Variants in TGFBR2 observed in about 807,000 individuals in gnomAD.
TGFBR2 encodes the protein transforming growth factor beta receptor 2, also known as TGF-beta receptor type-2.
TGFBR2 carries 18 observed loss-of-function variants against 49.0 expected under a neutral mutation model. That is an observed-to-expected ratio of 0.37 (90% CI 0.25 to 0.54). The LOEUF is 0.54. Among genes scored for constraint, TGFBR2 ranks in the 20% least tolerant of loss-of-function variants. TGFBR2 has a pLI of 0.85. For missense variants in TGFBR2, 525 were observed against 722.6 expected (o/e 0.73, Z 3.13); for synonymous variants, 282 against 275.9 (o/e 1.02, Z -0.22).
chr3:30,643,348 G>C (rs17838697), intron 1 of TGFBR2, among the ~76,000 whole-genome samples: 4,639 of 152,270 alleles, frequency 0.03, 95 homozygotes, highest in Non-Finnish European at 0.045. Context: ...CATGTTTGCT[G>C]GTTGAGTGCC....
intron 1 of TGFBR2, among the ~76,000 whole-genome samples, chr3:30,635,711 T>C (rs1452116914): frequency 6.6e-6 from 1 of 152,224 alleles, no homozygotes; most frequent in Non-Finnish European, 1.5e-5. Flanking sequence ...ACACAAGTAA[T>C]CATTCCTTAA....
intron 6 of TGFBR2, among the ~76,000 whole-genome samples, chr3:30,690,060 A>G (rs745797761): frequency 3.3e-5 from 5 of 152,172 alleles, no homozygotes; most frequent in African/African-American, 4.8e-5. Context: ...AGGGAGAGAT[A>G]GGCTCCTAGG....
chr3:30,650,521 G>A (rs2125410991), intron 3 of TGFBR2, 61 bp downstream of exon 3: 10 of 1,553,728 alleles, frequency 6.4e-6, no homozygotes, highest in Non-Finnish European at 8.9e-6. Context: ...TTGTATCCTT[G>A]GTCTGCAGTG....
intron 1 of TGFBR2, among the ~76,000 whole-genome samples, chr3:30,608,411 G>A (rs554768551): frequency 2.0e-5 from 3 of 152,168 alleles, no homozygotes; most frequent in South Asian, 2.1e-4. Context: ...AACATCTTAC[G>A]TATCGTGCCC....
chr3:30,618,586 A>T (rs770978501), intron 1 of TGFBR2, among the ~76,000 whole-genome samples: 1 of 152,130 alleles, frequency 6.6e-6, no homozygotes, highest in Non-Finnish European at 1.5e-5. Flanking sequence ...TGTTTACCTC[A>T]TTAGGCATTT....
At chr3:30,687,793 A>C (rs545844422) in intron 5 of TGFBR2, among the ~76,000 whole-genome samples, 1 of 152,274 alleles carries the variant, frequency 6.6e-6, no homozygotes, top group South Asian at 2.1e-4. Flanking sequence ...GTCTCTGAAT[A>C]TACCTGTACA....
At position 30,623,271 on chromosome 3, in the gene TGFBR2, A is replaced by G. The variant is rs1248743895; in HGVS notation, c.94+16294A>G. 5 of 1,613,892 alleles carry G rather than the reference A, an allele frequency of 3.1e-6. No individual in the cohort carries two copies. The African/African-American group carries it at 4.0e-5, about 13-fold the overall frequency. ...AATAGGACTGCCCATCCACTGAGACATAGTAAAGTATCATTAATTAATCTT... is the reference window on the plus strand; with the variant it reads ...AATAGGACTGCCCATCCACTGAGACGTAGTAAAGTATCATTAATTAATCTT... On this transcript the variant is annotated intron_variant, in intron 1 of 6. Coordinates refer to ENST00000295754, the MANE Select transcript of TGFBR2 (RefSeq NM_003242.6).
intron 3 of TGFBR2, chr3:30,661,550 A>G: frequency 2.0e-6 from 1 of 511,852 alleles, no homozygotes; most frequent in Non-Finnish European, 3.9e-6. Context: ...AAAATCAGAC[A>G]TATAGGTTCA....
intron 3 of TGFBR2, among the ~76,000 whole-genome samples, chr3:30,667,255 G>A (rs1184948501): frequency 3.3e-5 from 5 of 152,138 alleles, no homozygotes; most frequent in Admixed American, 3.3e-4. Flanking sequence ...TGTAACTGGC[G>A]GCTGATGAAA....
intron 6 of TGFBR2, among the ~76,000 whole-genome samples, chr3:30,691,124 C>A (rs969229040): frequency 7.9e-5 from 12 of 152,156 alleles, no homozygotes; most frequent in South Asian, 2.1e-4. Flanking sequence ...GTTAGTGTAC[C>A]CCAGAAGCCC....
chr3:30,649,453 T>A (rs984251265), intron 2 of TGFBR2, among the ~76,000 whole-genome samples: 1 of 152,222 alleles, frequency 6.6e-6, no homozygotes, highest in Non-Finnish European at 1.5e-5. Context: ...GAAAATGCTA[T>A]GTGAGAAATT....
intron 1 of TGFBR2, among the ~76,000 whole-genome samples, chr3:30,631,726 T>C (rs547493406): frequency 6.6e-6 from 1 of 151,548 alleles, no homozygotes; most frequent in Non-Finnish European, 1.5e-5. Context: ...TCTGAATGTG[T>C]CTTTCTGTCC....
intron 1 of TGFBR2, 71 bp downstream of exon 1, chr3:30,607,048 C>A: frequency 7.3e-7 from 1 of 1,368,408 alleles, no homozygotes; most frequent in Non-Finnish European, 1.0e-6. Context: ...CTCCGCTGCG[C>A]TTGACAGTCG....
At chr3:30,621,415 G>A (rs1698230202) in intron 1 of TGFBR2, among the ~76,000 whole-genome samples, 1 of 151,126 alleles carries the variant, frequency 6.6e-6, no homozygotes, top group Admixed American at 6.6e-5. Context: ...CGAGTAGCTG[G>A]GATTGTAGGT....
chr3:30,609,092 T>C (rs1436397310), intron 1 of TGFBR2, among the ~76,000 whole-genome samples: 1 of 152,210 alleles, frequency 6.6e-6, no homozygotes, highest in Non-Finnish European at 1.5e-5. Flanking sequence ...TGGTGGCTTT[T>C]TATTTGGGTA....
chr3:30,617,717 C>T (rs1698157271), intron 1 of TGFBR2, among the ~76,000 whole-genome samples: 1 of 152,152 alleles, frequency 6.6e-6, no homozygotes, highest in Non-Finnish European at 1.5e-5. Context: ...GGTTTCCTAT[C>T]ATCTTCTGAT....
intron 5 of TGFBR2, among the ~76,000 whole-genome samples, chr3:30,683,961 C>T (rs879392340): frequency 4.6e-5 from 7 of 152,192 alleles, no homozygotes; most frequent in Admixed American, 4.6e-4. Flanking sequence ...TTCAGGCTAT[C>T]TCTGGCCACG....
chr3:30,621,945 T>G (rs1320865452), intron 1 of TGFBR2, among the ~76,000 whole-genome samples: 4 of 152,198 alleles, frequency 2.6e-5, no homozygotes, highest in African/African-American at 9.6e-5. Context: ...TCCCAAGGTA[T>G]AACTTATTTC....
At chr3:30,653,824 G>A (rs894285505) in intron 3 of TGFBR2, among the ~76,000 whole-genome samples, 2 of 152,078 alleles carry the variant, frequency 1.3e-5, no homozygotes, top group Admixed American at 6.5e-5. Flanking sequence ...ACATACTGTC[G>A]CTGTGCAGGG....
Sources: allele counts gnomAD v4.1 joint callset (sites outside exome capture counted in the v4.1 genomes callset), GRCh38; gene constraint gnomAD v4.1.1; transcripts MANE v1.5; gene names NCBI Gene and HGNC (gene_info 2026-07-23, HGNC 2026-07-21).